The following TOM1 variants were observed in gnomAD, a reference collection of about 807,000 sequenced individuals.
The protein encoded by TOM1 is target of myb1 membrane trafficking protein.
A neutral mutation model predicts 61.3 loss-of-function variants in TOM1; 38 were observed. The observed-to-expected ratio is 0.62, with a 90% CI of 0.48 to 0.81. The LOEUF is 0.81. Ranked by LOEUF, TOM1 falls within the 40% of genes least tolerant of loss-of-function variation. The probability of loss-of-function intolerance (pLI) is 0.00; values close to 1 mark genes in which losing one functional copy is unlikely to be tolerated. For synonymous variants in TOM1, 270 were observed against 268.8 expected, an observed-to-expected ratio of 1.00 and a Z score of -0.04; for missense variants, 591 against 659.6, an observed-to-expected ratio of 0.90 and a Z score of 1.14.
chr22:35,336,489 C>T (rs902595791), intron 11 of TOM1, among the ~76,000 whole-genome samples: 3 of 152,234 alleles, frequency 2.0e-5, no homozygotes, highest in Admixed American at 6.5e-5. Flanking sequence ...CAGCTGGCAC[C>T]GTCACAGCCT....
At chr22:35,312,690 G>A (rs554595314) in intron 1 of TOM1, among the ~76,000 whole-genome samples, 19 of 152,298 alleles carry the variant, frequency 1.2e-4, no homozygotes, top group Admixed American at 1.3e-4. Context: ...CATGCTGAGT[G>A]CCAGATGAGC....
At position 35,327,319 on chromosome 22, in the gene TOM1, G is replaced by A; in HGVS notation, c.697G>A (p.Val233Met). 1 of 1,614,100 alleles carries A rather than the reference G, an allele frequency of 6.2e-7. No individual in the cohort carries two copies. The highest frequency in any genetic ancestry group is 8.5e-7 in the Non-Finnish European group (1 of 1,180,020). Residue 233 changes from valine (V) to methionine (M), a missense_variant, in exon 7 of 15, where the codon GTG becomes ATG. Transcript: ENST00000449058. ...GGAGATGGTGAGTGGGAACGTGAGGGTGATGTCGGAGATGCTGACGGAGCT... is the reference window on the plus strand; with the variant it reads ...GGAGATGGTGAGTGGGAACGTGAGGATGATGTCGGAGATGCTGACGGAGCT... ...ELEMVSGNVRVMSEMLTELVP... is the reference protein window; with the variant it reads ...ELEMVSGNVRMMSEMLTELVP...
intron 1 of TOM1, among the ~76,000 whole-genome samples, chr22:35,302,896 C>A (rs549020147): frequency 6.6e-6 from 1 of 152,268 alleles, no homozygotes; most frequent in Admixed American, 6.5e-5. Context: ...AAGTACTGCT[C>A]CCTGGCTGTG....
At chr22:35,332,736 C>T (rs1040022814) in intron 8 of TOM1, among the ~76,000 whole-genome samples, 1 of 152,184 alleles carries the variant, frequency 6.6e-6, no homozygotes, top group Non-Finnish European at 1.5e-5. Flanking sequence ...CTACTCATGA[C>T]TAAGGTTGCC....
Position 35,299,974 on chromosome 22 carries a change from C to A in TOM1, c.46C>A (p.Arg16Ser), listed in dbSNP as rs373417436. The A allele has an allele frequency of 1.3e-6, 2 of 1,575,678 alleles. No individual in the cohort carries two copies. Among genetic ancestry groups the A allele is most frequent in the Non-Finnish European group, 1.7e-6 (2 of 1,159,530 alleles). The change falls in exon 1 of 15, where the codon CGC (arginine) becomes AGC (serine). Residue 16 changes from arginine to serine, a missense_variant. Transcript: ENST00000449058. ...CCCGTTCAGCTCTCCAGTGGGACAG[C>A]GCATCGGTGAGTCCCTGGAGCCCCC... ...GNPFSSPVGQ[R>S]IEKATDGSLQ... is the part of the protein sequence containing the mutation.
At position 35,347,130 on chromosome 22, in the gene TOM1, G is replaced by GC; in HGVS notation, c.1400_1401insC (p.Pro468AlafsTer19). On this transcript the variant is annotated frameshift_variant, in exon 15 of 15. Transcript: ENST00000449058. LOFTEE classifies it high-confidence loss of function. ...AACCTCTCCAGCCCCTCAGCTGAGG[G>GC]GCCCCCGGGTCCCCCATCTGGCCCA... 1 of 1,613,594 alleles carries GC rather than the reference G, an allele frequency of 6.2e-7. No individual in the cohort carries two copies. Among genetic ancestry groups the GC allele is most frequent in the Non-Finnish European group, 8.5e-7 (1 of 1,179,798 alleles).
chr22:35,320,228 T>C (rs1401478729), intron 2 of TOM1, among the ~76,000 whole-genome samples: 2 of 152,028 alleles, frequency 1.3e-5, no homozygotes, highest in African/African-American at 4.8e-5. Flanking sequence ...TGGGAAAGTG[T>C]TGTGGAAGGG....
chr22:35,306,265 C>T (rs1269720340), intron 1 of TOM1, among the ~76,000 whole-genome samples: 2 of 152,206 alleles, frequency 1.3e-5, no homozygotes, highest in East Asian at 3.9e-4. Flanking sequence ...GAGCAGCTGG[C>T]CAGAGGCAGA....
chr22:35,345,613 C>A, intron 12 of TOM1, 112 bp from the exon 13 acceptor site: 1 of 1,075,648 alleles, frequency 9.3e-7, no homozygotes, highest in East Asian at 2.4e-5. Flanking sequence ...AGCTAGGCAG[C>A]TGAGGCTGGG....
At chr22:35,300,352 C>T (rs1456717008) in intron 1 of TOM1, among the ~76,000 whole-genome samples, 1 of 152,222 alleles carries the variant, frequency 6.6e-6, no homozygotes, top group Non-Finnish European at 1.5e-5. Flanking sequence ...CGCCTGGGCT[C>T]TGGCCAGCTC....
At chr22:35,307,063 C>T (rs1926387508) in intron 1 of TOM1, among the ~76,000 whole-genome samples, 1 of 151,998 alleles carries the variant, frequency 6.6e-6, no homozygotes, top group South Asian at 2.1e-4. Flanking sequence ...TCAGTGTCTC[C>T]TAATTAGCTT....
chr22:35,343,155 ACCT>A (rs1239581364), intron 12 of TOM1, among the ~76,000 whole-genome samples: 6 of 90,960 alleles, frequency 6.6e-5, no homozygotes, highest in African/African-American at 2.2e-4. Flanking sequence ...CACCACACAC[ACCT>A]CCACACACCA....
At chr22:35,338,813 C>T in intron 12 of TOM1, 25 bp downstream of exon 12, 3 of 1,546,672 alleles carry the variant, frequency 1.9e-6, no homozygotes, top group Non-Finnish European at 2.6e-6. Context: ...CATCCTGCCA[C>T]CCTGGGGCCC....
chr22:35,300,105 C>A (rs1461849498), intron 1 of TOM1, 125 bp downstream of exon 1: 1 of 1,057,496 alleles, frequency 9.5e-7, no homozygotes, highest in Non-Finnish European at 1.4e-6. Context: ...TGTAGCTCTC[C>A]GACCTGGCTC....
At chr22:35,345,680 C>G (rs923834315) in intron 12 of TOM1, 45 bp from the exon 13 acceptor site, 1 of 1,602,658 alleles carries the variant, frequency 6.2e-7, no homozygotes, top group African/African-American at 1.3e-5. Flanking sequence ...ACGTCTTCCA[C>G]CTTGTCACCT....
chr22:35,300,098 A>G (rs991682360), intron 1 of TOM1, 118 bp downstream of exon 1: 17 of 1,156,746 alleles, frequency 1.5e-5, no homozygotes, highest in Non-Finnish European at 2.1e-5. Flanking sequence ...GCTGGCGTGT[A>G]GCTCTCCGAC....
rs566546996 is a variant in TOM1 at position 35,321,750 on chromosome 22, C to T, written c.138-209C>T. On this transcript the variant is annotated intron_variant, in intron 2 of 14. Coordinates refer to ENST00000449058, the MANE Select transcript of TOM1 (RefSeq NM_005488.3). ...CTCATCTTTTCTCAAAGTGACTCTG[C>T]TGCTGGAGGTCCAGGGGCCACAGGT... is the stretch of plus-strand genomic sequence containing the variant. 3.8e-5 allele frequency: 26 copies of T among 692,612 alleles called. No homozygotes were observed. In the East Asian group the frequency reaches 7.4e-4, roughly 20 times the overall value. The allele number at this position is 692,612 out of a possible 1,614,324, so 42.9% of individuals were successfully genotyped here.
chr22:35,344,238 T>TCA (rs1178817335), intron 12 of TOM1: 2 of 152,292 alleles, frequency 1.3e-5, no homozygotes, highest in Non-Finnish European at 2.9e-5. Context: ...AGTGACTGGA[T>TCA]GGTGAGACAA....
intron 1 of TOM1, among the ~76,000 whole-genome samples, chr22:35,315,063 G>A (rs1028359970): frequency 2.6e-5 from 4 of 152,206 alleles, no homozygotes; most frequent in African/African-American, 9.6e-5. Flanking sequence ...ATTTGGGCAG[G>A]AAGGACACTG....
Sources: allele counts gnomAD v4.1 joint callset (sites outside exome capture counted in the v4.1 genomes callset), GRCh38; gene constraint gnomAD v4.1.1; transcripts MANE v1.5; gene names NCBI Gene and HGNC (gene_info 2026-07-23, HGNC 2026-07-21).